The following BNIP2 variants were observed in gnomAD, a reference collection of about 807,000 sequenced individuals.
BNIP2 encodes the protein BCL2/adenovirus E1B 19 kDa protein-interacting protein 2.
In BNIP2, 36 loss-of-function variants were observed where a neutral mutation model predicts 43.4. The ratio of observed to expected loss-of-function variants is 0.83; its 90% CI spans 0.64 to 1.10. The LOEUF (loss-of-function observed/expected upper bound fraction) is 1.10. Among genes scored for constraint, BNIP2 ranks in the 50% least tolerant of loss-of-function variants. BNIP2 has a pLI of 0.00. For missense variants in BNIP2, 417 were observed against 374.1 expected (o/e 1.11, Z -0.95); for synonymous variants, 146 against 121.0 (o/e 1.21, Z -1.35).
intron 2 of BNIP2, among the ~76,000 whole-genome samples, chr15:59,681,891 C>G (rs1893699206): frequency 6.6e-6 from 1 of 152,054 alleles, no homozygotes; most frequent in Non-Finnish European, 1.5e-5. Flanking sequence ...AATTTGCAAA[C>G]TTAAGTGACC....
chr15:59,668,757 TACAC>T (rs71425879), intron 9 of BNIP2, 131 bp downstream of exon 9: 96 of 587,448 alleles, frequency 1.6e-4, no homozygotes, highest in Middle Eastern at 4.9e-4. Flanking sequence ...TTTTCTTTGT[TACAC>T]ACACACACAC....
In BNIP2 at chr15:59,689,229, GC is replaced by G. The variant is rs1894224901; in HGVS notation, c.-153del. 1 of 1,541,584 alleles carries G rather than the reference GC, an allele frequency of 6.5e-7. No homozygotes were observed. The stretch of plus-strand genomic sequence containing the variant: ...GTCGCAAAAAGCAGGGCCGAGCGGA[GC>G]CCGCTCCCCTCGGTCGGCGGTGGAG... On this transcript the variant is annotated 5_prime_UTR_variant, in exon 1 of 10. Transcript: ENST00000607373.
intron 9 of BNIP2, 166 bp downstream of exon 9, chr15:59,668,726 G>T: frequency 7.1e-6 from 4 of 559,826 alleles, no homozygotes; most frequent in Non-Finnish European, 1.2e-5. Flanking sequence ...GGGATGGTGT[G>T]GGAAAATGGC....
At chr15:59,677,603 T>C (rs1893387401) in intron 5 of BNIP2, among the ~76,000 whole-genome samples, 1 of 152,126 alleles carries the variant, frequency 6.6e-6, no homozygotes, top group Admixed American at 6.5e-5. Flanking sequence ...CAAAGAACAT[T>C]GGGAAATTGC....
chr15:59,685,216 G>A (rs1418821580), intron 1 of BNIP2, among the ~76,000 whole-genome samples: 2 of 152,144 alleles, frequency 1.3e-5, no homozygotes, highest in African/African-American at 2.4e-5. Flanking sequence ...ACAGCTCCTT[G>A]AGGCCGGACG....
At chr15:59,676,861 G>A in intron 5 of BNIP2, 2 of 1,578,494 alleles carry the variant, frequency 1.3e-6, no homozygotes, top group Non-Finnish European at 1.7e-6. Flanking sequence ...GCTGCCCTGG[G>A]CTCTCGCTGC....
At chr15:59,674,910 G>T in intron 5 of BNIP2, among the ~76,000 whole-genome samples, 1 of 152,130 alleles carries the variant, frequency 6.6e-6, no homozygotes, top group East Asian at 1.9e-4. Flanking sequence ...CATAAGTATG[G>T]AAAGTGGGTG....
At position 59,679,653 on chromosome 15, in the gene BNIP2, C is replaced by G; in HGVS notation, c.234G>C (p.Gly78=). 6.2e-7 allele frequency: 1 copy of G among 1,613,162 alleles called. No homozygotes were observed. The highest frequency in any genetic ancestry group is 8.5e-7 in the Non-Finnish European group (1 of 1,179,526). ...TGTCTAAGCCATCTAAGTCAATCTC[C>G]CCACTTTCATCCAAATCATCTGACA... The part of the protein sequence containing the change: ...SVLSDDLDES[G]EIDLDGLDTP... The change falls in exon 4 of 10, where the codon GGG becomes GGC. Residue 78 remains glycine, a synonymous_variant. Coordinates refer to ENST00000607373, the MANE Select transcript of BNIP2 (RefSeq NM_004330.4).
In BNIP2 at chr15:59,662,277, T is replaced by G. The variant is rs1892319021; in HGVS notation, c.*1792A>C. 1 of 152,262 alleles carries G rather than the reference T, an allele frequency of 6.6e-6. No homozygotes were observed. Among genetic ancestry groups the G allele is most frequent in the Admixed American group, 6.5e-5 (1 of 15,290 alleles). 9.4% of individuals were successfully genotyped at this position (152,262 alleles called of 1,614,324 possible). On this transcript the variant is annotated 3_prime_UTR_variant, in exon 10 of 10. Transcript: ENST00000607373. ...AATCTAATGACAAATTCAATATAAT[T>G]GTTTATACATAATCCTTATATGGTA...
At chr15:59,676,152 C>A (rs1315097278) in intron 5 of BNIP2, among the ~76,000 whole-genome samples, 2 of 152,068 alleles carry the variant, frequency 1.3e-5, no homozygotes, top group Non-Finnish European at 2.9e-5. Context: ...TTTGGGTAGC[C>A]TAGAGACAGT....
chr15:59,669,742 G>C (rs1390051448), intron 7 of BNIP2, among the ~76,000 whole-genome samples: 1 of 152,210 alleles, frequency 6.6e-6, no homozygotes, highest in Non-Finnish European at 1.5e-5. Flanking sequence ...ACCATGAAAA[G>C]CACTGTGCAG....
chr15:59,679,374 C>G (rs1345221892), intron 4 of BNIP2: 4 of 398,018 alleles, frequency 1.0e-5, no homozygotes, highest in African/African-American at 6.3e-5. Context: ...ATTTTTGAAA[C>G]AGCTATGAAA....
intron 6 of BNIP2, 59 bp downstream of exon 6, chr15:59,672,578 G>A: frequency 8.0e-7 from 1 of 1,257,772 alleles, no homozygotes; most frequent in Non-Finnish European, 1.1e-6. Flanking sequence ...AGTTTCTTAA[G>A]GTGTAGATCT....
chr15:59,687,895 T>C (rs1476065228), intron 1 of BNIP2, among the ~76,000 whole-genome samples: 1 of 152,206 alleles, frequency 6.6e-6, no homozygotes, highest in Non-Finnish European at 1.5e-5. Context: ...CACTACATCC[T>C]GGTCCCCATA....
In BNIP2 at chr15:59,671,936, T is replaced by G. The variant is rs6151541; in HGVS notation, c.576-622A>C. ...ACCAAAAATTAAGAAGTCAGCAGGA[T>G]GTGGTGACATGTGCCTGCAGTCCCA... On this transcript the variant is annotated intron_variant, in intron 6 of 9. Transcript: ENST00000607373. Among the ~76,000 whole-genome samples the G allele has an allele frequency of 6.1e-3, 935 of 152,208 alleles. 16 individuals carry two copies. Among genetic ancestry groups the G allele is most frequent in the African/African-American group, 0.021 (864 of 41,544 alleles).
chr15:59,685,151 G>A (rs563184527), intron 1 of BNIP2, among the ~76,000 whole-genome samples: 1 of 152,304 alleles, frequency 6.6e-6, no homozygotes, highest in East Asian at 1.9e-4. Flanking sequence ...AATTCTAGAA[G>A]ACAATCCATT....
At position 59,673,257 on chromosome 15, in the gene BNIP2, C is replaced by T. The variant is rs149908800; in HGVS notation, c.473-518G>A. Among the ~76,000 whole-genome samples, 241 of 151,882 alleles carry T rather than the reference C, an allele frequency of 1.6e-3. 3 individuals are homozygous for T. Among genetic ancestry groups the T allele is most frequent in the Middle Eastern group, 6.8e-3 (2 of 294 alleles). ...CCTCCCGAGTAGCTGGGATTATAAGCGCACACCACCGTGCCCGGCTAATTT... is the reference window on the plus strand; with the variant it reads ...CCTCCCGAGTAGCTGGGATTATAAGTGCACACCACCGTGCCCGGCTAATTT... On this transcript the variant is annotated intron_variant, in intron 5 of 9. Transcript: ENST00000607373.
At chr15:59,669,924 A>G (rs1437127093) in intron 7 of BNIP2, among the ~76,000 whole-genome samples, 1 of 152,238 alleles carries the variant, frequency 6.6e-6, no homozygotes, top group African/African-American at 2.4e-5. Flanking sequence ...ACATAAAGTG[A>G]GATACATATA....
rs779694408 is a variant in BNIP2 at position 59,679,783 on chromosome 15, T to TA, written c.119-16dup. 1 of 1,459,122 alleles carries TA rather than the reference T, an allele frequency of 6.9e-7. No homozygotes were observed. The highest frequency in any genetic ancestry group is 1.5e-5 in the African/African-American group (1 of 68,000). 90.4% of individuals were successfully genotyped at this position (1,459,122 alleles called of 1,614,324 possible). On this transcript the variant is annotated splice_polypyrimidine_tract_variant and intron_variant, in intron 3 of 9. Coordinates refer to ENST00000607373, the MANE Select transcript of BNIP2 (RefSeq NM_004330.4). Reference sequence around the variant, plus strand: ...TTCTAGTGAGCCTGGAATTGGAAAATAAAGAAAAAGATACGTAACAAGGAA... The same window carrying TA: ...TTCTAGTGAGCCTGGAATTGGAAAATAAAAGAAAAAGATACGTAACAAGGAA...
Sources: allele counts gnomAD v4.1 joint callset (sites outside exome capture counted in the v4.1 genomes callset), GRCh38; gene constraint gnomAD v4.1.1; transcripts MANE v1.5; gene names NCBI Gene and HGNC (gene_info 2026-07-23, HGNC 2026-07-21).